The following C8A variants were observed in gnomAD, a reference collection of about 807,000 sequenced individuals.
C8A encodes complement C8 alpha chain.
Under a neutral mutation model 65.3 loss-of-function variants are expected in C8A, and 67 were observed. That is an observed-to-expected ratio of 1.03 (90% CI 0.84 to 1.26). The LOEUF (loss-of-function observed/expected upper bound fraction) is 1.26, where lower values mean the gene tolerates loss of function less well. C8A is among the 50% of genes most tolerant of loss of function. C8A has a pLI of 0.00. For synonymous variants in C8A, 290 were observed against 259.4 expected, an observed-to-expected ratio of 1.12 and a Z score of -1.13; for missense variants, 781 against 723.9, an observed-to-expected ratio of 1.08 and a Z score of -0.90.
chr1:56,857,303 T>C (rs1357642178), intron 1 of C8A, among the ~76,000 whole-genome samples: 1 of 148,894 alleles, frequency 6.7e-6, no homozygotes, highest in African/African-American at 2.5e-5. Context: ...TGTTATTAAA[T>C]ACACACACAC....
At chr1:56,912,761 CTGT>C in intron 10 of C8A, 136 bp downstream of exon 10, 2 of 745,556 alleles carry the variant, frequency 2.7e-6, no homozygotes, top group South Asian at 1.5e-5. Flanking sequence ...CTTGAGAGTT[CTGT>C]TACTCACCCA....
chr1:56,885,569 G>GTT (rs34914563), intron 6 of C8A, among the ~76,000 whole-genome samples: 3 of 126,310 alleles, frequency 2.4e-5, no homozygotes, highest in Admixed American at 8.2e-5. Flanking sequence ...TTTTTTGTTT[G>GTT]TTTTTTTTTT....
intron 7 of C8A, among the ~76,000 whole-genome samples, chr1:56,895,536 C>T (rs900284235): frequency 1.3e-5 from 2 of 152,004 alleles, no homozygotes; most frequent in Non-Finnish European, 1.5e-5. Flanking sequence ...AGACCATAAC[C>T]CATTAGTAGA....
chr1:56,870,292 G>GT (rs974356880), intron 2 of C8A, among the ~76,000 whole-genome samples: 5 of 151,932 alleles, frequency 3.3e-5, no homozygotes, highest in African/African-American at 1.2e-4. Context: ...AGTAATTGCA[G>GT]TTTTGGCATA....
chr1:56,895,794 C>T (rs1392003061), intron 7 of C8A, among the ~76,000 whole-genome samples: 2 of 151,816 alleles, frequency 1.3e-5, no homozygotes, highest in African/African-American at 4.8e-5. Flanking sequence ...AACAAACAAA[C>T]AAAAAACTAG....
chr1:56,907,924 T>C, intron 8 of C8A, 32 bp from the exon 9 acceptor site: 1 of 1,613,700 alleles, frequency 6.2e-7, no homozygotes. Flanking sequence ...TTTTGGGAAA[T>C]GAGTTAATGC....
intron 7 of C8A, among the ~76,000 whole-genome samples, chr1:56,887,153 G>T (rs1487109132): frequency 6.6e-6 from 1 of 152,116 alleles, no homozygotes; most frequent in Non-Finnish European, 1.5e-5. Context: ...TCCCAGGCTG[G>T]CTACTCCTTT....
chr1:56,861,687 C>A (rs1252815231), intron 1 of C8A, among the ~76,000 whole-genome samples: 1 of 152,186 alleles, frequency 6.6e-6, no homozygotes, highest in Non-Finnish European at 1.5e-5. Context: ...CTGCACTTAG[C>A]AACATGGAGG....
At chr1:56,887,557 T>G (rs917446211) in intron 7 of C8A, among the ~76,000 whole-genome samples, 5 of 152,230 alleles carry the variant, frequency 3.3e-5, no homozygotes, top group Non-Finnish European at 5.9e-5. Flanking sequence ...AATTGCTTTA[T>G]TCTTGTAAAT....
chr1:56,904,019 G>A (rs1644445304), intron 7 of C8A, among the ~76,000 whole-genome samples: 1 of 152,170 alleles, frequency 6.6e-6, no homozygotes. Flanking sequence ...AATGGCAGAG[G>A]ATTGTCTAGT....
At chr1:56,917,101 A>G (rs1302579301) in intron 10 of C8A, among the ~76,000 whole-genome samples, 1 of 152,214 alleles carries the variant, frequency 6.6e-6, no homozygotes, top group African/African-American at 2.4e-5. Context: ...TCCATCTTCC[A>G]TGGAACTGCG....
intron 6 of C8A, among the ~76,000 whole-genome samples, chr1:56,885,460 GTAAA>G (rs199896304): frequency 0.035 from 2,677 of 75,964 alleles, 51 homozygotes; most frequent in Non-Finnish European, 0.044. Flanking sequence ...ATATATTTCC[GTAAA>G]TATATATTTA....
intron 7 of C8A, 38 bp downstream of exon 7, chr1:56,886,205 C>T (rs1369030098): frequency 1.9e-6 from 3 of 1,612,222 alleles, no homozygotes; most frequent in Non-Finnish European, 1.7e-6. Flanking sequence ...CAGTAGTCAA[C>T]ACAGACACCA....
intron 7 of C8A, among the ~76,000 whole-genome samples, chr1:56,899,394 T>G (rs1171120093): frequency 6.6e-6 from 1 of 152,208 alleles, no homozygotes; most frequent in Non-Finnish European, 1.5e-5. Context: ...GTTCTGTTAT[T>G]TACTTAGTGT....
At chr1:56,908,205 T>A in intron 9 of C8A, 92 bp downstream of exon 9, 1 of 1,393,310 alleles carries the variant, frequency 7.2e-7, no homozygotes, top group Admixed American at 1.7e-5. Context: ...TATGAGCCCA[T>A]CAAAGAACAA....
chr1:56,913,097 T>C (rs1299669535), intron 10 of C8A, among the ~76,000 whole-genome samples: 2 of 152,206 alleles, frequency 1.3e-5, no homozygotes, highest in Admixed American at 6.5e-5. Flanking sequence ...TCTCGGCTTA[T>C]AGATGCATCG....
chr1:56,901,506 G>A (rs1422993367), intron 7 of C8A, among the ~76,000 whole-genome samples: 1 of 152,010 alleles, frequency 6.6e-6, no homozygotes, highest in Non-Finnish European at 1.5e-5. Flanking sequence ...AGACATGGTG[G>A]CCAGACTCAT....
intron 7 of C8A, among the ~76,000 whole-genome samples, chr1:56,895,032 A>G (rs1245856987): frequency 1.3e-5 from 2 of 152,178 alleles, no homozygotes; most frequent in Non-Finnish European, 2.9e-5. Context: ...TAACTTTATG[A>G]GGAATTATAT....
intron 7 of C8A, among the ~76,000 whole-genome samples, chr1:56,898,748 C>A (rs1344606593): frequency 6.6e-6 from 1 of 152,116 alleles, no homozygotes; most frequent in African/African-American, 2.4e-5. Context: ...ATTGATTGAG[C>A]ATGGCCCACA....
Sources: gnomAD v4.1 joint callset for allele counts (sites outside exome capture counted in the v4.1 genomes callset) on GRCh38, gnomAD v4.1.1 for gene constraint, MANE v1.5 for transcripts, NCBI Gene and HGNC (gene_info 2026-07-23, HGNC 2026-07-21) for gene names.